The following PAM variants were observed in gnomAD, a reference collection of about 807,000 sequenced individuals.
PAM encodes peptidylglycine alpha-amidating monooxygenase, also known as peptidyl-glycine alpha-amidating monooxygenase.
In PAM, 72 loss-of-function variants were observed where a neutral mutation model predicts 122.1. The ratio of observed to expected loss-of-function variants is 0.59; its 90% confidence interval spans 0.49 to 0.72. PAM has a LOEUF of 0.72. Ranked by LOEUF, PAM falls within the 30% of genes least tolerant of loss-of-function variation. PAM has a pLI of 0.00. For missense variants in PAM, 1,106 were observed against 1,183.7 expected, an observed-to-expected ratio of 0.93 and a Z score of 0.96; for synonymous variants, 389 against 404.4, an observed-to-expected ratio of 0.96 and a Z score of 0.46.
chr5:102,995,069 G>A (rs1775275108), intron 16 of PAM, among the ~76,000 whole-genome samples: 1 of 152,056 alleles, frequency 6.6e-6, no homozygotes, highest in Non-Finnish European at 1.5e-5. Flanking sequence ...CTAACTTGTA[G>A]AAAAATCAGT....
At position 103,002,632 on chromosome 5, in the gene PAM, T is replaced by G. The variant is rs143625198; in HGVS notation, c.1614-401T>G. On this transcript the variant is annotated intron_variant, in intron 16 of 25. Coordinates refer to ENST00000438793, the MANE Select transcript of PAM (RefSeq NM_001177306.2). ...AGTTAAAATAAGTCATATTTTCTTT[T>G]GCAATATGAAAGAAAATGTCTATTG... is the stretch of plus-strand genomic sequence containing the variant. Among the ~76,000 whole-genome samples, 785 of 152,336 alleles carry G rather than the reference T, an allele frequency of 5.2e-3. 5 individuals are homozygous for G. Among genetic ancestry groups the G allele is most frequent in the African/African-American group, 0.018 (766 of 41,580 alleles).
intron 15 of PAM, among the ~76,000 whole-genome samples, chr5:102,976,303 CTTT>C: frequency 6.6e-6 from 1 of 152,034 alleles, no homozygotes; most frequent in Non-Finnish European, 1.5e-5. Flanking sequence ...TCTTAATTCT[CTTT>C]CACCATTTAC....
At chr5:102,847,329 C>T (rs1780195545) in intron 1 of PAM, among the ~76,000 whole-genome samples, 1 of 152,166 alleles carries the variant, frequency 6.6e-6, no homozygotes, top group Non-Finnish European at 1.5e-5. Context: ...ATCCCAGCTA[C>T]TCGGGAGGCT....
At chr5:103,023,289 A>C (rs1784121354) in intron 23 of PAM, among the ~76,000 whole-genome samples, 1 of 152,106 alleles carries the variant, frequency 6.6e-6, no homozygotes, top group East Asian at 1.9e-4. Flanking sequence ...TATTAGGTGC[A>C]TATAAACTTA....
Position 103,007,597 on chromosome 5 carries a change from G to A in PAM, c.2155G>A (p.Val719Met), listed in dbSNP as rs768930010. The A allele has an allele frequency of 1.9e-6, 3 of 1,613,640 alleles. No homozygotes were observed. Among genetic ancestry groups the A allele is most frequent in the South Asian group, 1.1e-5 (1 of 91,088 alleles). Reference sequence around the variant, plus strand: ...TTTTAAAACTGACACCAAAGAATTTGTGAGAGAGATTAAGCATTCATCATT... The same window carrying A: ...TTTTAAAACTGACACCAAAGAATTTATGAGAGAGATTAAGCATTCATCATT... ...QCFKTDTKEF[V>M]REIKHSSFGR... The change falls in exon 20 of 26, where the codon GTG (valine) becomes ATG (methionine). Residue 719 changes from valine (V) to methionine (M), a missense_variant. This residue lies in a region of PAM where 333 missense variants were observed against 335.6 expected (regional missense o/e 0.99). Transcript: ENST00000438793.
At position 102,969,276 on chromosome 5, in the gene PAM, GA is replaced by G. The variant is rs1348605899; in HGVS notation, c.1163-4827del. Among the ~76,000 whole-genome samples, 717 of 132,470 alleles carry G rather than the reference GA, an allele frequency of 5.4e-3. 7 individuals are homozygous for G. Among genetic ancestry groups the G allele is most frequent in the Middle Eastern group, 7.8e-3 (2 of 258 alleles). 86.9% of individuals were successfully genotyped at this position (132,470 alleles called of 152,430 possible). A position where few individuals can be genotyped will look rare whatever the true frequency, so the allele number is the denominator to read the frequency against. On this transcript the variant is annotated intron_variant, in intron 14 of 25. Coordinates refer to ENST00000438793, the MANE Select transcript of PAM (RefSeq NM_001177306.2). ...AATCAAAATCAAAGTTAGTCCAGTGGAAAAAAAAAAAAAGAAAAGAAAATAC... is the reference window on the plus strand; with the variant it reads ...AATCAAAATCAAAGTTAGTCCAGTGGAAAAAAAAAAAAGAAAAGAAAATAC...
chr5:102,855,456 A>C (rs973670399), intron 1 of PAM, among the ~76,000 whole-genome samples: 4 of 152,190 alleles, frequency 2.6e-5, no homozygotes, highest in African/African-American at 9.6e-5. Flanking sequence ...CAACTATGCT[A>C]TGAGAGAAAA....
chr5:102,801,145 C>G (rs778214587), intron 1 of PAM, among the ~76,000 whole-genome samples: 4 of 152,050 alleles, frequency 2.6e-5, no homozygotes, highest in African/African-American at 9.7e-5. Context: ...TAACTTAGTC[C>G]TTATCGACTG....
At chr5:102,768,117 T>C (rs1041802276) in intron 1 of PAM, among the ~76,000 whole-genome samples, 3 of 152,212 alleles carry the variant, frequency 2.0e-5, no homozygotes, top group African/African-American at 7.2e-5. Context: ...ATAATTACTA[T>C]AATGGTGTTA....
intron 20 of PAM, among the ~76,000 whole-genome samples, chr5:103,008,882 A>G (rs1246139113): frequency 6.6e-6 from 1 of 152,154 alleles, no homozygotes; most frequent in Admixed American, 6.5e-5. Flanking sequence ...GAGAAGGAAT[A>G]TGGTTAAGAA....
At chr5:102,849,355 G>A (rs530987131) in intron 1 of PAM, among the ~76,000 whole-genome samples, 1 of 152,088 alleles carries the variant, frequency 6.6e-6, no homozygotes, top group East Asian at 1.9e-4. Flanking sequence ...TCAGGAGATC[G>A]AGACCATCCT....
rs149045835 is a variant in PAM, at chr5:103,018,599, G to A, written c.2431+1166G>A. ...TTGTCAAAGAGGATCCAGAAGGCAG[G>A]GTCAGACAATAAGGCAAAGATAGAT... On this transcript the variant is annotated intron_variant, in intron 22 of 25. Coordinates refer to ENST00000438793, the MANE Select transcript of PAM (RefSeq NM_001177306.2). 9.3e-4 allele frequency among the ~76,000 whole-genome samples: 141 copies of A among 152,130 alleles called. 1 individual carries two copies. Among genetic ancestry groups the A allele is most frequent in the African/African-American group, 3.3e-3 (138 of 41,492 alleles).
At chr5:102,786,067 T>C (rs1760444781) in intron 1 of PAM, among the ~76,000 whole-genome samples, 1 of 152,214 alleles carries the variant, frequency 6.6e-6, no homozygotes, top group African/African-American at 2.4e-5. Context: ...AAGTTTGCAT[T>C]TTGTAAATTT....
intron 1 of PAM, among the ~76,000 whole-genome samples, chr5:102,821,663 C>A (rs1771951425): frequency 6.6e-6 from 1 of 152,098 alleles, no homozygotes; most frequent in South Asian, 2.1e-4. Context: ...TCACAGCAAA[C>A]CTATGAAGAA....
chr5:103,018,150 T>C (rs1782557207), intron 22 of PAM, among the ~76,000 whole-genome samples: 1 of 152,096 alleles, frequency 6.6e-6, no homozygotes, highest in Admixed American at 6.5e-5. Flanking sequence ...AGAAATACTT[T>C]TAAAACATGG....
chr5:102,935,591 G>T (rs569463928), intron 7 of PAM, among the ~76,000 whole-genome samples: 2 of 152,002 alleles, frequency 1.3e-5, no homozygotes, highest in Admixed American at 6.6e-5. Flanking sequence ...ATCCTAACAG[G>T]TTCCACCAAA....
intron 3 of PAM, among the ~76,000 whole-genome samples, chr5:102,878,784 A>T (rs1790014186): frequency 2.0e-5 from 3 of 152,132 alleles, no homozygotes; most frequent in African/African-American, 7.2e-5. Flanking sequence ...CATAAAGAAA[A>T]TATCTTTATA....
intron 1 of PAM, among the ~76,000 whole-genome samples, chr5:102,787,648 A>G (rs1017708504): frequency 6.6e-6 from 1 of 151,822 alleles, no homozygotes; most frequent in African/African-American, 2.4e-5. Context: ...GAAGAAAACT[A>G]TTGTGCAGCT....
intron 3 of PAM, among the ~76,000 whole-genome samples, chr5:102,877,361 A>G (rs908268910): frequency 1.3e-5 from 2 of 152,238 alleles, no homozygotes; most frequent in Non-Finnish European, 2.9e-5. Context: ...CAGAGGATCA[A>G]CCTGGGAATA....
Sources: allele counts gnomAD v4.1 joint callset (sites outside exome capture counted in the v4.1 genomes callset), GRCh38; gene constraint gnomAD v4.1.1; regional missense constraint gnomAD v4.1.1; transcripts MANE v1.5; gene names NCBI Gene and HGNC (gene_info 2026-07-23, HGNC 2026-07-21).